USH2A: variants seen among roughly 807,000 people sequenced by gnomAD.
The protein encoded by USH2A is Usher syndrome 2A (autosomal recessive, mild).
A neutral mutation model predicts 538.9 loss-of-function variants in USH2A; 443 were observed. That is an observed-to-expected ratio of 0.82 (90% confidence interval 0.76 to 0.89). The LOEUF is 0.89. USH2A is among the 40% of genes least tolerant of loss of function. The pLI, the probability that USH2A is intolerant of heterozygous loss-of-function variation, is 0.00. For missense variants in USH2A, 6,633 were observed against 6,324.8 expected, an observed-to-expected ratio of 1.05 and a Z score of -1.65; for synonymous variants, 2,413 against 2,273.5, an observed-to-expected ratio of 1.06 and a Z score of -1.75.
chr1:216,337,655 G>T (rs1303317116), intron 4 of USH2A, among the ~76,000 whole-genome samples: 1 of 151,116 alleles, frequency 6.6e-6, no homozygotes, highest in African/African-American at 2.4e-5. Flanking sequence ...TTCCAAGATT[G>T]TTAAAGGAAT....
At chr1:215,924,599 C>T (rs920739923) in intron 38 of USH2A, among the ~76,000 whole-genome samples, 7 of 74,700 alleles carry the variant, frequency 9.4e-5, no homozygotes, top group African/African-American at 2.7e-4. Context: ...GTCAGTCAGA[C>T]AGACATGATT....
intron 9 of USH2A, among the ~76,000 whole-genome samples, chr1:216,299,222 A>T (rs990840680): frequency 6.6e-6 from 1 of 152,112 alleles, no homozygotes; most frequent in Admixed American, 6.6e-5. Flanking sequence ...AGAAGGAAAC[A>T]AATTAAATGC....
intron 61 of USH2A, among the ~76,000 whole-genome samples, chr1:215,704,114 C>A (rs371988608): frequency 6.6e-6 from 1 of 152,196 alleles, no homozygotes; most frequent in Non-Finnish European, 1.5e-5. Context: ...GACGCCCCAC[C>A]CTGCTTCTGC....
intron 38 of USH2A, among the ~76,000 whole-genome samples, chr1:215,930,745 A>C (rs1327378036): frequency 6.6e-6 from 1 of 152,062 alleles, no homozygotes; most frequent in African/African-American, 2.4e-5. Context: ...CATGCATACA[A>C]AACACTAATG....
chr1:215,763,144 C>T (rs183079217), intron 56 of USH2A, among the ~76,000 whole-genome samples: 59 of 152,206 alleles, frequency 3.9e-4, no homozygotes, highest in Admixed American at 3.2e-3. Flanking sequence ...ACATTCTACC[C>T]GACTTTGTGT....
intron 27 of USH2A, among the ~76,000 whole-genome samples, chr1:216,076,416 T>C (rs546488105): frequency 6.6e-6 from 1 of 152,312 alleles, no homozygotes; most frequent in African/African-American, 2.4e-5. Flanking sequence ...TGTTATTATC[T>C]TACAATTTTG....
In USH2A at chr1:215,720,136, G is replaced by C. The variant is rs375044479; in HGVS notation, c.12066+7894C>G. On this transcript the variant is annotated intron_variant, in intron 61 of 71. Coordinates refer to ENST00000307340, the MANE Select transcript of USH2A (RefSeq NM_206933.4). The stretch of plus-strand genomic sequence containing the variant: ...ACTTCAAGATCCATCTTCCTATGAA[G>C]ATCTATGTAGACAACCTATATGAGA... Among the ~76,000 whole-genome samples the C allele has an allele frequency of 1.4e-4, 21 of 152,214 alleles. No homozygotes were observed. In the South Asian group the frequency reaches 3.1e-3, roughly 23 times the overall value.
chr1:215,836,539 TATA>T (rs1663528021), intron 47 of USH2A, among the ~76,000 whole-genome samples: 1 of 25,982 alleles, frequency 3.8e-5, no homozygotes, highest in African/African-American at 1.4e-4. Context: ...TATATATATA[TATA>T]ATATATATAT....
intron 32 of USH2A, among the ~76,000 whole-genome samples, chr1:216,038,493 C>T (rs1558225255): frequency 6.6e-6 from 1 of 151,914 alleles, no homozygotes; most frequent in Non-Finnish European, 1.5e-5. Context: ...TGAAGACCCC[C>T]CCTCCACTTT....
At chr1:215,758,556 G>A (rs1300652772) in intron 58 of USH2A, 39 bp downstream of exon 58, 2 of 1,590,544 alleles carry the variant, frequency 1.3e-6, no homozygotes, top group East Asian at 2.2e-5. Flanking sequence ...CCTTTAAAAT[G>A]TTTACACACA....
intron 9 of USH2A, among the ~76,000 whole-genome samples, chr1:216,304,050 G>C (rs1357334365): frequency 6.6e-6 from 1 of 151,766 alleles, no homozygotes; most frequent in Non-Finnish European, 1.5e-5. Flanking sequence ...TCATATTATT[G>C]TGTTTAAGGG....
At chr1:216,061,164 G>A (rs987855635) in intron 30 of USH2A, among the ~76,000 whole-genome samples, 15 of 152,130 alleles carry the variant, frequency 9.9e-5, no homozygotes, top group Admixed American at 3.3e-4. Context: ...ATTGCAACTG[G>A]GATTTATCTC....
chr1:215,774,154 C>G (rs756683220), intron 55 of USH2A, among the ~76,000 whole-genome samples: 2 of 152,058 alleles, frequency 1.3e-5, no homozygotes, highest in Non-Finnish European at 2.9e-5. Flanking sequence ...ATCAAAACAT[C>G]AAAACAAAGG....
chr1:216,082,191 C>T (rs538303907), intron 26 of USH2A, among the ~76,000 whole-genome samples: 1 of 152,184 alleles, frequency 6.6e-6, no homozygotes, highest in Admixed American at 6.5e-5. Context: ...TATTGATTAA[C>T]ATGATAATTG....
chr1:216,270,887 A>C (rs555142835), intron 11 of USH2A, among the ~76,000 whole-genome samples: 1 of 152,052 alleles, frequency 6.6e-6, no homozygotes, highest in Admixed American at 6.6e-5. Flanking sequence ...ATCTACTTTA[A>C]TTCTGATGAT....
intron 3 of USH2A, among the ~76,000 whole-genome samples, chr1:216,397,280 T>C (rs1008818171): frequency 6.6e-6 from 1 of 152,220 alleles, no homozygotes; most frequent in African/African-American, 2.4e-5. Flanking sequence ...ACTTTACAAC[T>C]TGCCAATACA....
At chr1:216,196,245 T>C (rs936283694) in intron 19 of USH2A, among the ~76,000 whole-genome samples, 1 of 152,044 alleles carries the variant, frequency 6.6e-6, no homozygotes, top group Non-Finnish European at 1.5e-5. Context: ...TGTGTCCAAA[T>C]AACATGATAG....
At chr1:215,756,024 A>T (rs966718335) in intron 58 of USH2A, among the ~76,000 whole-genome samples, 7 of 152,230 alleles carry the variant, frequency 4.6e-5, no homozygotes, top group African/African-American at 1.7e-4. Context: ...TGGAACAAAT[A>T]CGTTTTAAAA....
chr1:215,669,941 C>G (rs953386595), intron 64 of USH2A, among the ~76,000 whole-genome samples: 1 of 152,104 alleles, frequency 6.6e-6, no homozygotes, highest in South Asian at 2.1e-4. Flanking sequence ...TCAGTTTCCT[C>G]TTTTAGAAAA....
Sources: gnomAD v4.1 joint callset for allele counts (sites outside exome capture counted in the v4.1 genomes callset) on GRCh38, gnomAD v4.1.1 for gene constraint, MANE v1.5 for transcripts, NCBI Gene and HGNC (gene_info 2026-07-23, HGNC 2026-07-21) for gene names.